Variants in DNM2 observed in about 807,000 individuals in gnomAD.
DNM2 encodes the protein dynamin 2.
Under a neutral mutation model 99.0 loss-of-function variants are expected in DNM2, and 15 were observed. The ratio of observed to expected loss-of-function variants is 0.15; its 90% confidence interval spans 0.10 to 0.23. The LOEUF is 0.23. Ranked by LOEUF, DNM2 falls within the 10% of genes least tolerant of loss-of-function variation. The pLI, the probability that DNM2 is intolerant of heterozygous loss-of-function variation, is 1.00. For missense variants in DNM2, 742 were observed against 1,189.4 expected (o/e 0.62, Z 5.53); for synonymous variants, 525 against 481.2 (o/e 1.09, Z -1.19).
intron 16 of DNM2, among the ~76,000 whole-genome samples, chr19:10,822,187 CTT>C (rs1245880128): frequency 1.4e-4 from 19 of 140,514 alleles, no homozygotes; most frequent in Admixed American, 2.1e-4. Flanking sequence ...TTTTCTTTTT[CTT>C]TTTTTTTTTT....
At position 10,795,742 on chromosome 19, in the gene DNM2, T is replaced by C. The variant is rs2071909158; in HGVS notation, c.1196+303T>C. 1.7e-5 allele frequency: 10 copies of C among 580,318 alleles called. No homozygotes were observed. In the Middle Eastern group the frequency reaches 3.7e-3, roughly 217 times the overall value. The allele number at this position is 580,318 out of a possible 1,614,324, so 35.9% of individuals were successfully genotyped here. ...TAAACTAAGAATGCTCACTGCAGAT[T>C]TGCCTGGGGAGGGGCGGGGCGGCAC... is the stretch of plus-strand genomic sequence containing the variant. On this transcript the variant is annotated intron_variant, in intron 9 of 20. Coordinates refer to ENST00000389253, the MANE Select transcript of DNM2 (RefSeq NM_001005361.3). This position sits in a 1 kb window ranked among gnomAD's most constrained non-coding sequence, Gnocchi z 4.2.
chr19:10,748,672 T>G (rs2145801786), intron 1 of DNM2, among the ~76,000 whole-genome samples: 1 of 152,300 alleles, frequency 6.6e-6, no homozygotes, highest in Middle Eastern at 3.4e-3. Flanking sequence ...CCACCCACAT[T>G]CGTGTCCTGG....
intron 19 of DNM2, among the ~76,000 whole-genome samples, chr19:10,829,585 G>A (rs1177003649): frequency 6.6e-6 from 1 of 152,200 alleles, no homozygotes; most frequent in African/African-American, 2.4e-5. Flanking sequence ...GGAGAGAGAT[G>A]AGCCTCCTGG....
At chr19:10,793,623 G>A in intron 7 of DNM2, 97 bp from the exon 8 acceptor site, 1 of 1,609,406 alleles carries the variant, frequency 6.2e-7, no homozygotes, top group East Asian at 2.2e-5. Context: ...GCTGAAAAAT[G>A]GTAAAAGAAC....
In DNM2 at chr19:10,764,157, C is replaced by A. The variant is rs1484378346; in HGVS notation, c.235+4346C>A. Among the ~76,000 whole-genome samples the A allele has an allele frequency of 1.3e-5, 2 of 152,156 alleles. No individual in the cohort carries two copies. Among genetic ancestry groups the A allele is most frequent in the African/African-American group, 2.4e-5 (1 of 41,428 alleles). ...GGATTGGCAGCTGGCTCTCTGTGAC[C>A]AAACTCAGAACCAGGCTGCCACCCT... On this transcript the variant is annotated intron_variant, in intron 2 of 20. Transcript: ENST00000389253. The surrounding 1 kb of genome is among the most constrained non-coding windows in gnomAD (Gnocchi z 4.1).
intron 7 of DNM2, 76 bp downstream of exon 7, chr19:10,786,782 G>C: frequency 6.2e-7 from 1 of 1,600,010 alleles, no homozygotes; most frequent in Non-Finnish European, 8.5e-7. Context: ...CCTAGGCTGG[G>C]CACCACTCAT....
chr19:10,830,449 C>G lies in DNM2; in HGVS notation c.2543+71C>G. 1 of 1,514,776 alleles carries G rather than the reference C, an allele frequency of 6.6e-7. No homozygotes were observed. Among genetic ancestry groups the G allele is most frequent in the Non-Finnish European group, 9.0e-7 (1 of 1,109,108 alleles). The allele number at this position is 1,514,776 out of a possible 1,614,324, so 93.8% of individuals were successfully genotyped here. On this transcript the variant is annotated intron_variant, in intron 20 of 20. Transcript: ENST00000389253. This position sits in a 1 kb window ranked among gnomAD's most constrained non-coding sequence, Gnocchi z 4.8. ...GGTCTCTCCTCCTGTCTCACTTCCT[C>G]CCAGTGAGCTCTCACTACGTGCCCA...
intron 1 of DNM2, among the ~76,000 whole-genome samples, chr19:10,754,165 C>A (rs1408863775): frequency 1.3e-5 from 2 of 152,010 alleles, no homozygotes; most frequent in Admixed American, 6.6e-5. Flanking sequence ...GAATGTCCAC[C>A]CTGTACTTTT....
At chr19:10,826,748 G>A (rs770138206) in intron 18 of DNM2, among the ~76,000 whole-genome samples, 7 of 151,952 alleles carry the variant, frequency 4.6e-5, no homozygotes, top group South Asian at 2.1e-4. Flanking sequence ...TTAGCTGGGC[G>A]TGGTGGCAAA....
chr19:10,813,838 A>AAAG (rs899021511), intron 15 of DNM2, among the ~76,000 whole-genome samples: 3 of 150,860 alleles, frequency 2.0e-5, no homozygotes, highest in East Asian at 3.9e-4. Flanking sequence ...AAAAAAAAAA[A>AAAG]AAGAAGAAGA....
intron 19 of DNM2, among the ~76,000 whole-genome samples, chr19:10,829,658 T>C (rs1280610359): frequency 6.6e-6 from 1 of 152,120 alleles, no homozygotes; most frequent in Non-Finnish European, 1.5e-5. Context: ...CCAGAGCTGC[T>C]GCCGCCCCTG....
At chr19:10,797,606 C>A in intron 10 of DNM2, 88 bp downstream of exon 10, 1 of 1,602,400 alleles carries the variant, frequency 6.2e-7, no homozygotes, top group Non-Finnish European at 8.5e-7. Flanking sequence ...AAAATTCAGC[C>A]TCGGCAGGAA....
chr19:10,764,998 C>T lies in DNM2; in HGVS notation c.235+5187C>T, dbSNP rs998815103. Reference sequence around the variant, plus strand: ...TTTTTGAGATGGAGTCTCGCTGTCGCCCAGGCTGGAGTGCAGTGGCGCCAT... The same window carrying T: ...TTTTTGAGATGGAGTCTCGCTGTCGTCCAGGCTGGAGTGCAGTGGCGCCAT... On this transcript the variant is annotated intron_variant, in intron 2 of 20. Transcript: ENST00000389253. This position sits in a 1 kb window ranked among gnomAD's most constrained non-coding sequence, Gnocchi z 4.1. 6.6e-6 allele frequency among the ~76,000 whole-genome samples: 1 copy of T among 150,552 alleles called. No individual in the cohort carries two copies. The highest frequency in any genetic ancestry group is 1.5e-5 in the Non-Finnish European group (1 of 67,640).
intron 2 of DNM2, 73 bp downstream of exon 2, chr19:10,759,884 G>C (rs1325617969): frequency 1.9e-6 from 3 of 1,593,466 alleles, no homozygotes; most frequent in African/African-American, 1.3e-5. Flanking sequence ...GCTGGGGGCG[G>C]AGGGTGGAAC....
At chr19:10,724,167 CATTTT>C (rs985905279) in intron 1 of DNM2, among the ~76,000 whole-genome samples, 1 of 151,576 alleles carries the variant, frequency 6.6e-6, no homozygotes. Context: ...GGAGGGGGTA[CATTTT>C]ATTTTATTAT....
chr19:10,734,453 A>G (rs895568697), intron 1 of DNM2, among the ~76,000 whole-genome samples: 1 of 151,310 alleles, frequency 6.6e-6, no homozygotes, highest in Non-Finnish European at 1.5e-5. Context: ...CAGCCTGGGC[A>G]ATATAGTGAG....
At chr19:10,742,102 C>A (rs927900016) in intron 1 of DNM2, among the ~76,000 whole-genome samples, 1 of 151,946 alleles carries the variant, frequency 6.6e-6, no homozygotes, top group Admixed American at 6.6e-5. Context: ...GAGCCTACTC[C>A]CACTAACACT....
At position 10,723,052 on chromosome 19, in the gene DNM2, G is replaced by A. The variant is rs558581121; in HGVS notation, c.161+4649G>A. ...TGCGATCTCGGCTCACTGCAATCTC[G>A]CCTCCTGAGTTCAAGTGATTCTCCT... On this transcript the variant is annotated intron_variant, in intron 1 of 20. Coordinates refer to ENST00000389253, the MANE Select transcript of DNM2 (RefSeq NM_001005361.3). 2.8e-5 allele frequency among the ~76,000 whole-genome samples: 4 copies of A among 142,990 alleles called. No individual in the cohort carries two copies. The South Asian group carries it at 6.6e-4, about 24-fold the overall frequency. 93.8% of individuals were successfully genotyped at this position (142,990 alleles called of 152,430 possible). A position where few individuals can be genotyped will look rare whatever the true frequency, so the allele number is the denominator to read the frequency against.
Position 10,817,965 on chromosome 19 carries a change from G to A in DNM2, c.1672-2015G>A, listed in dbSNP as rs1276859869. On this transcript the variant is annotated intron_variant, in intron 15 of 20. Coordinates refer to ENST00000389253, the MANE Select transcript of DNM2 (RefSeq NM_001005361.3). The surrounding 1 kb of genome is among the most constrained non-coding windows in gnomAD (Gnocchi z 4.6). ...TGGCCCTGCTGGCTGGAAGCTTCCG[G>A]CCGCGTGATATGATAGGGTCAGGGC... Among the ~76,000 whole-genome samples the A allele has an allele frequency of 2.0e-5, 3 of 152,148 alleles. No individual in the cohort carries two copies. The highest frequency in any genetic ancestry group is 6.5e-5 in the Admixed American group (1 of 15,274).
Sources: gnomAD v4.1 joint callset for allele counts (sites outside exome capture counted in the v4.1 genomes callset) on GRCh38, gnomAD v4.1.1 for gene constraint, Gnocchi (gnomAD v3.1) non-coding constraint, MANE v1.5 for transcripts, NCBI Gene and HGNC (gene_info 2026-07-23, HGNC 2026-07-21) for gene names.